Variants in SEMA3D observed in about 807,000 individuals in gnomAD.
SEMA3D encodes the protein semaphorin 3D.
SEMA3D carries 84 observed loss-of-function variants against 100.1 expected under a neutral mutation model. The ratio of observed to expected loss-of-function variants is 0.84; its 90% CI spans 0.70 to 1.01. The LOEUF is 1.01. SEMA3D is among the 50% of genes least tolerant of loss of function. The pLI is 0.00. For synonymous variants in SEMA3D, 312 were observed against 320.7 expected (o/e 0.97, Z 0.29); for missense variants, 875 against 934.1 (o/e 0.94, Z 0.82).
chr7:85,228,823 C>T, the SEMA3D span, among the ~76,000 whole-genome samples: 1 of 152,014 alleles, frequency 6.6e-6, no homozygotes, highest in Non-Finnish European at 1.5e-5. Context: ...TAATTCATTG[C>T]TCTGGGATAA....
chr7:85,187,956 C>G (rs190376780), upstream of SEMA3D, among the ~76,000 whole-genome samples: 1 of 152,066 alleles, frequency 6.6e-6, no homozygotes, highest in Non-Finnish European at 1.5e-5. Flanking sequence ...TGCCCTTAGT[C>G]CCAAACATAA....
At chr7:85,235,703 G>C in the SEMA3D span, among the ~76,000 whole-genome samples, 1 of 152,146 alleles carries the variant, frequency 6.6e-6, no homozygotes, top group Non-Finnish European at 1.5e-5. Flanking sequence ...TTAAGCATAA[G>C]TGAAGGAATT....
the SEMA3D span, among the ~76,000 whole-genome samples, chr7:85,203,092 G>T: frequency 6.6e-6 from 1 of 152,162 alleles, no homozygotes; most frequent in East Asian, 1.9e-4. Context: ...GATTTCAGCA[G>T]TTCTCCTCAT....
intron 11 of SEMA3D, among the ~76,000 whole-genome samples, chr7:85,038,626 T>A (rs1204156814): frequency 2.0e-5 from 3 of 152,166 alleles, no homozygotes; most frequent in Non-Finnish European, 4.4e-5. Flanking sequence ...TGGGGCTATA[T>A]TTTCCTGGCA....
the SEMA3D span, among the ~76,000 whole-genome samples, chr7:85,213,552 G>A: frequency 3.3e-5 from 5 of 151,940 alleles, no homozygotes; most frequent in African/African-American, 1.2e-4. Context: ...TGTATCTCCA[G>A]GGAATGATTT....
intron 7 of SEMA3D, 147 bp from the exon 8 acceptor site, chr7:85,065,699 A>G (rs930128267): frequency 9.5e-6 from 6 of 632,722 alleles, no homozygotes; most frequent in Non-Finnish European, 1.3e-5. Context: ...GATTTTGAAA[A>G]TTTATCTCAG....
chr7:84,999,521 C>T lies in SEMA3D; in HGVS notation c.2253G>A (p.Lys751=). Residue 751 remains lysine, a synonymous_variant, in exon 19 of 19, where the codon AAG becomes AAA. Transcript: ENST00000284136. ...RQRNKGGPKW[K]HMQEMKKKRN... is the part of the protein sequence containing the mutation. ...GTTTCTTCTTCATTTCCTGCATGTGCTTCCACTTTGGGCCCCCCTTGTTTC... is the reference window on the plus strand; with the variant it reads ...GTTTCTTCTTCATTTCCTGCATGTGTTTCCACTTTGGGCCCCCCTTGTTTC... 1 of 1,614,074 alleles carries T rather than the reference C, an allele frequency of 6.2e-7. No homozygotes were observed. The highest frequency in any genetic ancestry group is 8.5e-7 in the Non-Finnish European group (1 of 1,180,004).
chr7:85,127,085 A>G (rs902090107), intron 2 of SEMA3D, among the ~76,000 whole-genome samples: 9 of 152,096 alleles, frequency 5.9e-5, no homozygotes, highest in Admixed American at 5.9e-4. Flanking sequence ...AGGAGTCTGG[A>G]AGGCCATCTG....
chr7:85,100,872 A>C (rs1788722310), intron 3 of SEMA3D, among the ~76,000 whole-genome samples: 1 of 151,906 alleles, frequency 6.6e-6, no homozygotes, highest in Non-Finnish European at 1.5e-5. Context: ...TGAAATCTCA[A>C]ATGAGCGTGA....
intron 3 of SEMA3D, among the ~76,000 whole-genome samples, chr7:85,121,388 GT>G (rs948254245): frequency 5.9e-5 from 9 of 151,752 alleles, no homozygotes; most frequent in African/African-American, 1.9e-4. Context: ...ACCTTACTGT[GT>G]TTTAAAAAAA....
chr7:85,083,334 T>C (rs1009906084), intron 4 of SEMA3D, among the ~76,000 whole-genome samples: 36 of 152,124 alleles, frequency 2.4e-4, no homozygotes, highest in African/African-American at 8.4e-4. Flanking sequence ...TGTAAGTTAG[T>C]AAATAGATTA....
intron 12 of SEMA3D, 129 bp downstream of exon 12, chr7:85,036,760 A>T: frequency 2.9e-6 from 2 of 693,552 alleles, no homozygotes; most frequent in Non-Finnish European, 4.6e-6. Flanking sequence ...TGAAAATGCT[A>T]ATACTTCACT....
intron 11 of SEMA3D, among the ~76,000 whole-genome samples, chr7:85,038,001 A>G (rs1790749192): frequency 7.2e-6 from 1 of 138,078 alleles, no homozygotes; most frequent in Non-Finnish European, 1.6e-5. Context: ...AACAATGAGA[A>G]CACATAGACA....
intron 4 of SEMA3D, among the ~76,000 whole-genome samples, chr7:85,095,815 A>G (rs1162219071): frequency 6.6e-6 from 1 of 152,040 alleles, no homozygotes; most frequent in Non-Finnish European, 1.5e-5. Context: ...ACTTTATTTT[A>G]ATAATATCAT....
chr7:85,184,754 G>A (rs1791494893), intron 1 of SEMA3D, among the ~76,000 whole-genome samples: 1 of 152,138 alleles, frequency 6.6e-6, no homozygotes, highest in Non-Finnish European at 1.5e-5. Context: ...TCACCTTCCT[G>A]TATTTCCTGG....
intron 7 of SEMA3D, among the ~76,000 whole-genome samples, chr7:85,066,890 G>GCACACACACACACA (rs1265828830): frequency 2.0e-5 from 2 of 100,702 alleles, no homozygotes; most frequent in African/African-American, 1.6e-4. Flanking sequence ...GGAAATGTGC[G>GCACACACACACACA]CTCACACACA....
At chr7:85,230,450 T>G in the SEMA3D span, among the ~76,000 whole-genome samples, 1 of 152,118 alleles carries the variant, frequency 6.6e-6, no homozygotes, top group East Asian at 1.9e-4. Context: ...GTTCCAGGAG[T>G]GTTTCACATA....
At chr7:85,100,229 A>G (rs1441005060) in intron 3 of SEMA3D, among the ~76,000 whole-genome samples, 2 of 151,942 alleles carry the variant, frequency 1.3e-5, no homozygotes, top group Admixed American at 6.6e-5. Context: ...AATCCTTTTC[A>G]GGTGAAGTCA....
the SEMA3D span, among the ~76,000 whole-genome samples, chr7:85,225,006 T>C: frequency 1.4e-5 from 2 of 141,310 alleles, no homozygotes; most frequent in South Asian, 2.3e-4. Flanking sequence ...AACCATACAA[T>C]CTGTGGAGTT....
Sources: gnomAD v4.1 joint callset for allele counts (sites outside exome capture counted in the v4.1 genomes callset) on GRCh38, gnomAD v4.1.1 for gene constraint, MANE v1.5 for transcripts, NCBI Gene and HGNC (gene_info 2026-07-23, HGNC 2026-07-21) for gene names.